The following LRP1B variants were observed in gnomAD, a reference collection of about 807,000 sequenced individuals.
The protein encoded by LRP1B is low-density lipoprotein receptor-related protein 1B.
Under a neutral mutation model 556.6 loss-of-function variants are expected in LRP1B, and 217 were observed. The observed-to-expected ratio is 0.39, with a 90% CI of 0.35 to 0.44. LRP1B has a LOEUF of 0.44. Ranked by LOEUF, LRP1B falls within the 20% of genes least tolerant of loss-of-function variation. The probability of loss-of-function intolerance (pLI) is 1.00; values close to 1 mark genes in which losing one functional copy is unlikely to be tolerated. For synonymous variants in LRP1B, 2,047 were observed against 1,865.8 expected, an observed-to-expected ratio of 1.10 and a Z score of -2.50; for missense variants, 5,053 against 5,620.8, an observed-to-expected ratio of 0.90 and a Z score of 3.23.
intron 53 of LRP1B, 68 bp from the exon 54 acceptor site, chr2:140,503,171 A>C (rs1689269950): frequency 7.3e-6 from 10 of 1,370,012 alleles, no homozygotes; most frequent in Non-Finnish European, 1.0e-5. Context: ...CATCTCCTCA[A>C]TGTACACTAC....
intron 55 of LRP1B, among the ~76,000 whole-genome samples, chr2:140,500,926 T>C (rs1395494564): frequency 6.6e-6 from 1 of 152,000 alleles, no homozygotes; most frequent in African/African-American, 2.4e-5. Context: ...TGAAGATTCA[T>C]ACAGAGTTGT....
At chr2:141,417,840 A>G (rs1482159081) in intron 3 of LRP1B, among the ~76,000 whole-genome samples, 2 of 151,474 alleles carry the variant, frequency 1.3e-5, no homozygotes, top group African/African-American at 4.9e-5. Flanking sequence ...AACAGCACAC[A>G]AGGCTCTCAA....
At chr2:140,416,653 TAAAA>T (rs113247793) in intron 66 of LRP1B, among the ~76,000 whole-genome samples, 1 of 146,540 alleles carries the variant, frequency 6.8e-6, no homozygotes, top group Admixed American at 6.8e-5. Context: ...AAACTCTGTC[TAAAA>T]AAAAAAACCT....
chr2:141,082,556 A>G (rs1339631452), intron 7 of LRP1B, among the ~76,000 whole-genome samples: 1 of 152,230 alleles, frequency 6.6e-6, no homozygotes, highest in East Asian at 1.9e-4. Context: ...GGAAAATATT[A>G]TCTTACCCAT....
chr2:141,145,410 C>T (rs890831476), intron 7 of LRP1B, among the ~76,000 whole-genome samples: 20 of 151,948 alleles, frequency 1.3e-4, no homozygotes, highest in Middle Eastern at 3.4e-3. Context: ...GATTACATTG[C>T]ATATACTATG....
chr2:142,084,571 T>C lies in LRP1B; in HGVS notation c.82+46077A>G, dbSNP rs183863803. ...CAGGCATTTCTGCATTTCTCATTCC[T>C]GAGTCTAACCAATCACCAAGTCCTA... On this transcript the variant is annotated intron_variant, in intron 1 of 90. Coordinates refer to ENST00000389484, the MANE Select transcript of LRP1B (RefSeq NM_018557.3). Among the ~76,000 whole-genome samples the C allele has an allele frequency of 9.6e-4, 146 of 152,314 alleles. 1 individual carries two copies. The highest frequency in any genetic ancestry group is 7.7e-3 in the East Asian group (40 of 5,168).
chr2:141,764,941 A>T (rs1324527511), intron 2 of LRP1B, among the ~76,000 whole-genome samples: 2 of 152,028 alleles, frequency 1.3e-5, no homozygotes, highest in African/African-American at 4.8e-5. Context: ...ATTATTTTTT[A>T]AATTGGTGCC....
intron 60 of LRP1B, among the ~76,000 whole-genome samples, chr2:140,466,718 A>T (rs938330342): frequency 4.6e-5 from 7 of 152,198 alleles, no homozygotes; most frequent in African/African-American, 1.7e-4. Flanking sequence ...AGGTTAAATA[A>T]TTTTTTGATA....
chr2:141,914,750 T>G (rs1699987235), intron 1 of LRP1B, among the ~76,000 whole-genome samples: 1 of 151,542 alleles, frequency 6.6e-6, no homozygotes, highest in East Asian at 1.9e-4. Context: ...AAATACATTC[T>G]CCCCCATCTC....
intron 3 of LRP1B, among the ~76,000 whole-genome samples, chr2:141,362,809 G>A (rs1688878281): frequency 6.9e-6 from 1 of 145,076 alleles, no homozygotes; most frequent in South Asian, 2.2e-4. Context: ...GCATTCACTT[G>A]CATTAATTAA....
intron 3 of LRP1B, among the ~76,000 whole-genome samples, chr2:141,367,551 C>T (rs535313375): frequency 8.0e-6 from 1 of 124,310 alleles, no homozygotes; most frequent in Non-Finnish European, 1.6e-5. Context: ...GGCAGGATCT[C>T]GGCTCATTGC....
At chr2:140,557,360 T>A (rs1379643809) in intron 43 of LRP1B, among the ~76,000 whole-genome samples, 1 of 152,194 alleles carries the variant, frequency 6.6e-6, no homozygotes, top group Non-Finnish European at 1.5e-5. Flanking sequence ...TGTCTCAATT[T>A]AAAATTCATC....
At chr2:141,443,040 C>T (rs1016433354) in intron 3 of LRP1B, among the ~76,000 whole-genome samples, 1 of 152,110 alleles carries the variant, frequency 6.6e-6, no homozygotes, top group Non-Finnish European at 1.5e-5. Flanking sequence ...AATTTACACC[C>T]CACCAACCGT....
rs114974028 is a variant in LRP1B, at chr2:140,871,485, A to G, written c.4170-3222T>C. Among the ~76,000 whole-genome samples, 366 of 152,302 alleles carry G rather than the reference A, an allele frequency of 2.4e-3. 2 individuals carry two copies. The highest frequency in any genetic ancestry group is 8.6e-3 in the African/African-American group (357 of 41,574). On this transcript the variant is annotated intron_variant, in intron 25 of 90. Transcript: ENST00000389484. ...AATGCTACAACAGTGTCTATGTGAA[A>G]GTAGATTAATTTTATGAAGCAAACG...
intron 3 of LRP1B, among the ~76,000 whole-genome samples, chr2:141,402,005 T>C (rs1690468469): frequency 1.3e-5 from 2 of 152,278 alleles, no homozygotes; most frequent in South Asian, 2.1e-4. Context: ...AGGGAAGCCA[T>C]AGGAAATCAA....
At chr2:140,304,447 T>C (rs1335880307) in intron 83 of LRP1B, among the ~76,000 whole-genome samples, 1 of 152,222 alleles carries the variant, frequency 6.6e-6, no homozygotes, top group African/African-American at 2.4e-5. Context: ...GTTGGCTGCA[T>C]AAATGTCTTC....
At chr2:140,798,854 T>G (rs1216455715) in intron 32 of LRP1B, among the ~76,000 whole-genome samples, 1 of 152,154 alleles carries the variant, frequency 6.6e-6, no homozygotes, top group Non-Finnish European at 1.5e-5. Flanking sequence ...GACAGACTTA[T>G]GTTAGAGACC....
chr2:140,892,923 TA>T (rs1693842003), intron 23 of LRP1B, among the ~76,000 whole-genome samples: 1 of 152,164 alleles, frequency 6.6e-6, no homozygotes, highest in South Asian at 2.1e-4. Context: ...ATTACATAAT[TA>T]AAAATGTATG....
At chr2:141,663,920 C>CAAA (rs796406816) in intron 2 of LRP1B, among the ~76,000 whole-genome samples, 36 of 113,294 alleles carry the variant, frequency 3.2e-4, no homozygotes, top group South Asian at 5.8e-4. Context: ...AGAGATACAT[C>CAAA]AAAAAAAAAA....
Sources: gnomAD v4.1 joint callset for allele counts (sites outside exome capture counted in the v4.1 genomes callset) on GRCh38, gnomAD v4.1.1 for gene constraint, MANE v1.5 for transcripts, NCBI Gene and HGNC (gene_info 2026-07-23, HGNC 2026-07-21) for gene names.